TP53BP1: variants seen among roughly 807,000 people sequenced by gnomAD.
TP53BP1 encodes tumor protein p53 binding protein 1.
A neutral mutation model predicts 200.8 loss-of-function variants in TP53BP1; 61 were observed. The ratio of observed to expected loss-of-function variants is 0.30; its 90% CI spans 0.25 to 0.38. The LOEUF is 0.38. Among genes scored for constraint, TP53BP1 ranks in the 10% least tolerant of loss-of-function variants. TP53BP1 has a pLI of 1.00. For synonymous variants in TP53BP1, 822 were observed against 844.3 expected, an observed-to-expected ratio of 0.97 and a Z score of 0.46; for missense variants, 2,144 against 2,371.9, an observed-to-expected ratio of 0.90 and a Z score of 2.00.
At chr15:43,444,450 T>C (rs2045996962) in intron 14 of TP53BP1, among the ~76,000 whole-genome samples, 1 of 152,158 alleles carries the variant, frequency 6.6e-6, no homozygotes, top group Admixed American at 6.5e-5. Flanking sequence ...ATAGTAAGGA[T>C]GGAACCATGT....
chr15:43,428,009 G>T lies in TP53BP1; in HGVS notation c.3828+7C>A. The T allele has an allele frequency of 2.6e-6, 4 of 1,549,700 alleles. No individual in the cohort carries two copies. Among genetic ancestry groups the T allele is most frequent in the Non-Finnish European group, 3.5e-6 (4 of 1,128,596 alleles). ...AATTTGCCACACAGACTCAGAGTAT[G>T]TATTACCTCAGTTACTTTTCTTTCT... On this transcript the variant is annotated splice_region_variant and intron_variant, in intron 18 of 27. Coordinates refer to ENST00000382044, the MANE Select transcript of TP53BP1 (RefSeq NM_001141980.3).
chr15:43,413,279 A>G lies in TP53BP1; in HGVS notation c.5145T>C (p.Gly1715=), dbSNP rs2045174873. The G allele has an allele frequency of 1.9e-6, 3 of 1,614,058 alleles. No homozygotes were observed. The highest frequency in any genetic ancestry group is 1.7e-5 in the Admixed American group (1 of 60,002). Residue 1715 remains glycine (G), a synonymous_variant, in exon 24 of 28, where the codon GGT becomes GGC. Coordinates refer to ENST00000382044, the MANE Select transcript of TP53BP1 (RefSeq NM_001141980.3). ...TCTGCTCTTCCAGGGCAGAGGGTTC[A>G]CCGGTGTTGTCTCCACTCTCACAGG... ...VSPCESGDNT[G]EPSALEEQRG...
intron 18 of TP53BP1, among the ~76,000 whole-genome samples, chr15:43,426,219 C>A (rs2045527529): frequency 6.6e-6 from 1 of 151,666 alleles, no homozygotes; most frequent in Non-Finnish European, 1.5e-5. Context: ...CAAGGCAGAT[C>A]ACTTGAGATC....
intron 18 of TP53BP1, among the ~76,000 whole-genome samples, chr15:43,426,373 G>A (rs1218777827): frequency 6.8e-6 from 1 of 146,576 alleles, no homozygotes; most frequent in Non-Finnish European, 1.5e-5. Flanking sequence ...CCAGGAGACA[G>A]AGGCTCCAGA....
chr15:43,477,503 A>C (rs1212464807), intron 8 of TP53BP1, 90 bp downstream of exon 8: 1 of 1,306,764 alleles, frequency 7.7e-7, no homozygotes, highest in Non-Finnish European at 1.0e-6. Flanking sequence ...AAACCTATAA[A>C]ATGCTTTGTA....
intron 11 of TP53BP1, among the ~76,000 whole-genome samples, chr15:43,458,983 A>G (rs966410933): frequency 6.6e-6 from 1 of 152,128 alleles, no homozygotes; most frequent in African/African-American, 2.4e-5. Flanking sequence ...CCCAAGAAAA[A>G]TAAAAATATG....
intron 11 of TP53BP1, among the ~76,000 whole-genome samples, chr15:43,468,431 C>T (rs2046641087): frequency 6.6e-6 from 1 of 151,600 alleles, no homozygotes. Flanking sequence ...CCTGTAGTTC[C>T]AGCTACTTGG....
At chr15:43,415,221 T>C (rs1269546698) in intron 23 of TP53BP1, 6 of 218,782 alleles carry the variant, frequency 2.7e-5, no homozygotes, top group East Asian at 1.3e-4. Flanking sequence ...TTTTTTTTTT[T>C]CTGGAGACCA....
intron 11 of TP53BP1, among the ~76,000 whole-genome samples, chr15:43,465,004 G>C (rs1215067462): frequency 6.6e-6 from 1 of 151,848 alleles, no homozygotes; most frequent in Non-Finnish European, 1.5e-5. Context: ...TACAAAAAAA[G>C]GAATGAAAAT....
At position 43,492,094 on chromosome 15, in the gene TP53BP1, T is replaced by C. The variant is rs749076000; in HGVS notation, c.194A>G (p.Asp65Gly). The C allele has an allele frequency of 6.2e-7, 1 of 1,610,596 alleles. No homozygotes were observed. The highest frequency in any genetic ancestry group is 1.1e-5 in the South Asian group (1 of 91,014). Residue 65 changes from aspartate (D) to glycine (G), a missense_variant and splice_region_variant, in exon 3 of 28, where the codon GAT becomes GGT. This residue lies in a region of TP53BP1 where 1,700 missense variants were observed against 1,710.3 expected (regional missense o/e 0.99). Transcript: ENST00000382044. ...TGTTTGTTCAGGATTGGACACAACA[T>C]CCTAGAAAATACACATACAAAATAT... ...LQTHKENPVL[D>G]VVSNPEQTAG... is the part of the protein sequence containing the mutation.
chr15:43,421,057 C>T lies in TP53BP1; in HGVS notation c.4218G>A (p.Arg1406=), dbSNP rs1450417846. ...APVTPRGRGR[R]GRPPSRTTGT... ...CAGTGGTCCGAGAAGGTGGGCGGCC[C>T]CTTCGCCCACGCCCACGAGGCGTGA... Residue 1406 remains arginine (R), a synonymous_variant, in exon 20 of 28, where the codon AGG becomes AGA. Coordinates refer to ENST00000382044, the MANE Select transcript of TP53BP1 (RefSeq NM_001141980.3). 6.2e-7 allele frequency: 1 copy of T among 1,614,100 alleles called. No homozygotes were observed. The highest frequency in any genetic ancestry group is 1.7e-5 in the Admixed American group (1 of 60,014).
At chr15:43,500,210 T>C (rs1416041732) in intron 1 of TP53BP1, among the ~76,000 whole-genome samples, 2 of 152,202 alleles carry the variant, frequency 1.3e-5, no homozygotes, top group African/African-American at 2.4e-5. Context: ...AACTCATCTC[T>C]TCTACCAAGT....
At chr15:43,494,809 T>A (rs1370069698), upstream of TP53BP1, among the ~76,000 whole-genome samples, 1 of 152,218 alleles carries the variant, frequency 6.6e-6, no homozygotes, top group Non-Finnish European at 1.5e-5. Context: ...ATTTTTTTGC[T>A]TTTCTTCTCC....
Position 43,406,721 on chromosome 15 carries a change from G to C in TP53BP1, c.*662C>G. On this transcript the variant is annotated 3_prime_UTR_variant, in exon 28 of 28. Coordinates refer to ENST00000382044, the MANE Select transcript of TP53BP1 (RefSeq NM_001141980.3). ...ACAATAATAATAATAATAATATTGGGTCTTTGACTAGAACGTGTAACATTT... is the reference window on the plus strand; with the variant it reads ...ACAATAATAATAATAATAATATTGGCTCTTTGACTAGAACGTGTAACATTT... 4.8e-6 allele frequency: 2 copies of C among 419,046 alleles called. No individual in the cohort carries two copies. The highest frequency in any genetic ancestry group is 9.4e-6 in the Non-Finnish European group (2 of 212,554). 26.0% of individuals were successfully genotyped at this position (419,046 alleles called of 1,614,324 possible). A position where few individuals can be genotyped will look rare whatever the true frequency, so the allele number is the denominator to read the frequency against.
intron 11 of TP53BP1, among the ~76,000 whole-genome samples, chr15:43,467,490 T>C (rs145825009): frequency 1.3e-5 from 2 of 152,032 alleles, no homozygotes; most frequent in African/African-American, 4.8e-5. Flanking sequence ...CTGAACTATG[T>C]TCAGAATCAC....
intron 13 of TP53BP1, 103 bp downstream of exon 13, chr15:43,447,263 C>T (rs2046063204): frequency 1.5e-6 from 2 of 1,292,474 alleles, no homozygotes; most frequent in South Asian, 1.3e-5. Context: ...CAAAAATCAA[C>T]CTTACCAGCC....
chr15:43,463,802 C>T (rs2046496292), intron 11 of TP53BP1, among the ~76,000 whole-genome samples: 2 of 152,136 alleles, frequency 1.3e-5, no homozygotes, highest in Admixed American at 1.3e-4. Context: ...AACAGAGTGT[C>T]CCAGGACTGG....
chr15:43,448,959 T>A (rs1467446428), intron 12 of TP53BP1, among the ~76,000 whole-genome samples: 1 of 151,858 alleles, frequency 6.6e-6, no homozygotes, highest in Non-Finnish European at 1.5e-5. Flanking sequence ...AAACCCTGTC[T>A]CCACTAAAAA....
chr15:43,469,430 T>C (rs1197955264), intron 11 of TP53BP1, among the ~76,000 whole-genome samples: 1 of 152,158 alleles, frequency 6.6e-6, no homozygotes, highest in African/African-American at 2.4e-5. Context: ...AGTTGTGCTA[T>C]ATAAACACCT....
Sources: allele counts gnomAD v4.1 joint callset (sites outside exome capture counted in the v4.1 genomes callset), GRCh38; gene constraint gnomAD v4.1.1; regional missense constraint gnomAD v4.1.1; transcripts MANE v1.5; gene names NCBI Gene and HGNC (gene_info 2026-07-23, HGNC 2026-07-21).